The following NCALD variants were observed in gnomAD, a reference collection of about 807,000 sequenced individuals.
NCALD encodes the protein neurocalcin delta.
A neutral mutation model predicts 18.6 loss-of-function variants in NCALD; 10 were observed. The ratio of observed to expected loss-of-function variants is 0.54; its 90% CI spans 0.33 to 0.91. The LOEUF is 0.91. NCALD is among the 40% of genes least tolerant of loss of function. The pLI is 0.03. For missense variants in NCALD, 184 were observed against 247.6 expected (o/e 0.74, Z 1.72); for synonymous variants, 88 against 87.4 (o/e 1.01, Z -0.04).
intron 2 of NCALD, among the ~76,000 whole-genome samples, chr8:101,988,073 G>T (rs561924675): frequency 1.3e-5 from 2 of 151,226 alleles, no homozygotes; most frequent in East Asian, 2.0e-4. Context: ...GAGAATGGCG[G>T]GAATCCGGGA....
intron 1 of NCALD, among the ~76,000 whole-genome samples, chr8:102,082,503 A>G (rs1824583061): frequency 6.6e-6 from 1 of 152,038 alleles, no homozygotes; most frequent in African/African-American, 2.4e-5. Context: ...TAACTAAAAT[A>G]CATGTGGAGC....
intron 4 of NCALD, among the ~76,000 whole-genome samples, chr8:101,845,933 A>G (rs753684422): frequency 3.3e-5 from 5 of 152,112 alleles, no homozygotes; most frequent in Admixed American, 6.5e-5. Context: ...AGTATCTGTG[A>G]TATTTGTCTT....
intron 2 of NCALD, among the ~76,000 whole-genome samples, chr8:102,000,014 C>A (rs1821389825): frequency 1.3e-5 from 2 of 152,174 alleles, no homozygotes; most frequent in Non-Finnish European, 2.9e-5. Context: ...GTGTATCTCA[C>A]TGGGGATTGT....
chr8:101,753,427 A>C (rs142076116), intron 1 of NCALD, among the ~76,000 whole-genome samples: 2 of 152,214 alleles, frequency 1.3e-5, no homozygotes, highest in African/African-American at 2.4e-5. Context: ...ACCCACAACC[A>C]TTTCTCTTCA....
intron 1 of NCALD, among the ~76,000 whole-genome samples, chr8:102,050,818 TTTAATTTAA>T (rs1198643692): frequency 2.7e-5 from 4 of 146,678 alleles, no homozygotes; most frequent in Admixed American, 1.4e-4. Context: ...TTTAATCATT[TTTAATTTAA>T]TTAATTTAAT....
At chr8:101,996,681 A>C (rs1821251053) in intron 2 of NCALD, among the ~76,000 whole-genome samples, 1 of 152,204 alleles carries the variant, frequency 6.6e-6, no homozygotes, top group Non-Finnish European at 1.5e-5. Context: ...CTATGAAACT[A>C]ACGGTGGAAA....
intron 1 of NCALD, among the ~76,000 whole-genome samples, chr8:102,118,700 TA>T: frequency 6.6e-6 from 1 of 151,072 alleles, no homozygotes; most frequent in Non-Finnish European, 1.5e-5. Context: ...TTCTCTCATC[TA>T]AATAATTAAA....
rs114251463 is a variant in NCALD at position 101,689,203 on chromosome 8, C to T, written c.*106G>A. The T allele has an allele frequency of 2.3e-3, 2,312 of 1,009,634 alleles. 39 individuals carry two copies. In the African/African-American group the frequency reaches 0.032, roughly 14 times the overall value. 62.5% of individuals were successfully genotyped at this position (1,009,634 alleles called of 1,614,324 possible). A position where few individuals can be genotyped will look rare whatever the true frequency, so the allele number is the denominator to read the frequency against. On this transcript the variant is annotated 3_prime_UTR_variant, in exon 4 of 4. Transcript: ENST00000220931. This position sits in a 1 kb window ranked among gnomAD's most constrained non-coding sequence, Gnocchi z 4.4. The stretch of plus-strand genomic sequence containing the variant: ...AAGGCGCATCAGACCGCACAGGGGA[C>T]GGCATCACCATTGATATTGTTTGGC...
In NCALD at chr8:101,692,821, T is replaced by C. The variant is rs1814793968; in HGVS notation, c.454A>G (p.Ile152Val). ...ESTPEKRTEK[I>V]FRQMDTNRDG... ...CTATTGGTGTCCATCTGGCGGAAGA[T>C]CTTTTCTGTTCTTTTCTCTGGGGTT... Residue 152 changes from isoleucine (I) to valine (V), a missense_variant, in exon 3 of 4, where the codon ATC (isoleucine) becomes GTC (valine). By Grantham distance (29) the Ile-to-Val change is conservative (BLOSUM62 3). Coordinates refer to ENST00000220931, the MANE Select transcript of NCALD (RefSeq NM_032041.3). The C allele has an allele frequency of 1.2e-6, 2 of 1,613,934 alleles. No individual in the cohort carries two copies. Among genetic ancestry groups the C allele is most frequent in the Non-Finnish European group, 1.7e-6 (2 of 1,179,862 alleles).
At chr8:101,814,515 A>T (rs536904752) in intron 4 of NCALD, among the ~76,000 whole-genome samples, 4 of 152,114 alleles carry the variant, frequency 2.6e-5, no homozygotes, top group Non-Finnish European at 5.9e-5. Context: ...TCTACAAAAA[A>T]CCTACAGCTA....
chr8:102,056,875 C>T (rs1038666062), intron 1 of NCALD, among the ~76,000 whole-genome samples: 2 of 152,200 alleles, frequency 1.3e-5, no homozygotes, highest in Non-Finnish European at 2.9e-5. Context: ...TCACTGAGTA[C>T]TCATGCTGAG....
chr8:101,967,782 C>T (rs1820085549), intron 2 of NCALD, among the ~76,000 whole-genome samples: 1 of 152,026 alleles, frequency 6.6e-6, no homozygotes, highest in Non-Finnish European at 1.5e-5. Flanking sequence ...ACTCTCTACC[C>T]CAGAGTAGGC....
At chr8:101,817,669 A>G (rs759484032) in intron 4 of NCALD, among the ~76,000 whole-genome samples, 1 of 152,092 alleles carries the variant, frequency 6.6e-6, no homozygotes, top group Non-Finnish European at 1.5e-5. Flanking sequence ...CAGAATAATA[A>G]CCCTAAAGAG....
chr8:102,048,139 G>T (rs1403933373), intron 1 of NCALD, among the ~76,000 whole-genome samples: 1 of 152,084 alleles, frequency 6.6e-6, no homozygotes, highest in Non-Finnish European at 1.5e-5. Context: ...AAAAATATTG[G>T]AGCTTTAAGT....
intron 2 of NCALD, among the ~76,000 whole-genome samples, chr8:102,016,227 C>A (rs1822079070): frequency 6.6e-6 from 1 of 152,082 alleles, no homozygotes; most frequent in African/African-American, 2.4e-5. Context: ...AAGGGAGGGG[C>A]AAGAAACTCT....
Position 102,044,689 on chromosome 8 carries a change from A to C in NCALD, c.-209-24400T>G, listed in dbSNP as rs538452612. Among the ~76,000 whole-genome samples the C allele has an allele frequency of 3.2e-4, 48 of 152,344 alleles. 1 individual carries two copies. The highest frequency in any genetic ancestry group is 1.5e-3 in the Admixed American group (23 of 15,298). ...CAGAAGGGACTCAGAGAGGTGTCCA[A>C]AGGCTTGAGGGGGAGACTTTAAGAA... On this transcript the variant is annotated intron_variant, in intron 1 of 6. Coordinates refer to the NCALD transcript ENST00000311028.
intron 2 of NCALD, among the ~76,000 whole-genome samples, chr8:101,956,247 G>A (rs879337784): frequency 1.3e-5 from 2 of 152,120 alleles, no homozygotes; most frequent in African/African-American, 2.4e-5. Context: ...CCTATCTTCT[G>A]CAGCCAAAAC....
chr8:102,081,967 T>A (rs138603856), intron 1 of NCALD, among the ~76,000 whole-genome samples: 3,922 of 152,186 alleles, frequency 0.026, 130 homozygotes, highest in East Asian at 0.13. Context: ...CGTAACAAAC[T>A]CACAATGAAA....
At position 101,818,043 on chromosome 8, in the gene NCALD, A is replaced by G. The variant is rs1813570057; in HGVS notation, c.-20+69098T>C. 2.6e-5 allele frequency among the ~76,000 whole-genome samples: 4 copies of G among 152,262 alleles called. No individual in the cohort carries two copies. The South Asian group carries it at 8.3e-4, about 32-fold the overall frequency. On this transcript the variant is annotated intron_variant, in intron 4 of 6. Coordinates refer to the NCALD transcript ENST00000311028. ...AAGTCAGGCTTTCCAGCTGCTCGAG[A>G]GATGAGGCCCTGGTATGAGGACTTT...
Sources: gnomAD v4.1 joint callset for allele counts (sites outside exome capture counted in the v4.1 genomes callset) on GRCh38, gnomAD v4.1.1 for gene constraint, Gnocchi (gnomAD v3.1) non-coding constraint, MANE v1.5 for transcripts, NCBI Gene and HGNC (gene_info 2026-07-23, HGNC 2026-07-21) for gene names.